Variants in LHFPL6 observed in about 807,000 individuals in gnomAD.
LHFPL6 encodes LHFPL tetraspan subfamily member 6 protein.
LHFPL6 carries 9 observed loss-of-function variants against 20.6 expected under a neutral mutation model. The observed-to-expected ratio is 0.44, with a 90% CI of 0.26 to 0.76. The LOEUF is 0.76. LHFPL6 is among the 30% of genes least tolerant of loss of function. The pLI, the probability that LHFPL6 is intolerant of heterozygous loss-of-function variation, is 0.20. For missense variants in LHFPL6, 218 were observed against 253.5 expected (o/e 0.86, Z 0.95); for synonymous variants, 105 against 98.7 (o/e 1.06, Z -0.38).
chr13:39,459,687 T>A (rs1872647414), intron 2 of LHFPL6, among the ~76,000 whole-genome samples: 2 of 152,224 alleles, frequency 1.3e-5, no homozygotes, highest in African/African-American at 4.8e-5. Flanking sequence ...TAATGTCATG[T>A]CTTCGCAATT....
At chr13:39,361,366 G>A (rs1040394503) in intron 3 of LHFPL6, among the ~76,000 whole-genome samples, 4 of 150,802 alleles carry the variant, frequency 2.7e-5, no homozygotes, top group Non-Finnish European at 5.9e-5. Flanking sequence ...TCGCCAGGCT[G>A]GAGTGCAGTG....
chr13:39,562,569 C>CATAT (rs67177911), intron 2 of LHFPL6, among the ~76,000 whole-genome samples: 2 of 93,050 alleles, frequency 2.1e-5, no homozygotes, highest in Non-Finnish European at 5.0e-5. Context: ...TACATATACA[C>CATAT]ATACATATAT....
intron 2 of LHFPL6, among the ~76,000 whole-genome samples, chr13:39,482,261 T>C (rs1042952656): frequency 6.6e-6 from 1 of 152,080 alleles, no homozygotes; most frequent in African/African-American, 2.4e-5. Flanking sequence ...CTGGCCAACA[T>C]GGCAAAACCT....
chr13:39,469,677 G>A (rs1291342422), intron 2 of LHFPL6, among the ~76,000 whole-genome samples: 2 of 152,222 alleles, frequency 1.3e-5, no homozygotes, highest in African/African-American at 4.8e-5. Flanking sequence ...TAAACTTGTA[G>A]TAGATGTTTG....
At chr13:39,485,696 G>A (rs1868700346) in intron 2 of LHFPL6, among the ~76,000 whole-genome samples, 1 of 152,090 alleles carries the variant, frequency 6.6e-6, no homozygotes, top group Non-Finnish European at 1.5e-5. Context: ...ACATTTTCAG[G>A]GAACAAAAGA....
chr13:39,428,577 CT>C (rs1289899917), intron 2 of LHFPL6, among the ~76,000 whole-genome samples: 2 of 152,008 alleles, frequency 1.3e-5, no homozygotes, highest in Non-Finnish European at 1.5e-5. Context: ...TAATTTGTAT[CT>C]TTTCTACTCT....
At position 39,360,500 on chromosome 13, in the gene LHFPL6, T is replaced by A. The variant is rs971292012; in HGVS notation, c.485-16446A>T. On this transcript the variant is annotated intron_variant, in intron 3 of 3. Transcript: ENST00000379589. ...GCAGAGATTTATGCTCTAGAAAAGA[T>A]AAGATGTGTATTGGCAAAGAGCTCA... Among the ~76,000 whole-genome samples, 2 of 97,720 alleles carry A rather than the reference T, an allele frequency of 2.0e-5. 1 individual carries two copies. The highest frequency in any genetic ancestry group is 4.8e-5 in the Non-Finnish European group (2 of 41,360). The allele number at this position is 97,720 out of a possible 152,430, so 64.1% of individuals were successfully genotyped here.
intron 2 of LHFPL6, among the ~76,000 whole-genome samples, chr13:39,478,503 T>C (rs1197256875): frequency 1.3e-5 from 2 of 152,172 alleles, no homozygotes; most frequent in East Asian, 1.9e-4. Context: ...TATCCAGGTG[T>C]GATGGCTAAT....
At chr13:39,437,865 G>A (rs570812614) in intron 2 of LHFPL6, among the ~76,000 whole-genome samples, 24 of 148,964 alleles carry the variant, frequency 1.6e-4, no homozygotes, top group African/African-American at 5.9e-4. Flanking sequence ...TTGCGCCACT[G>A]CACTCCAGCC....
chr13:39,424,415 G>A (rs1215516414), intron 2 of LHFPL6, among the ~76,000 whole-genome samples: 1 of 152,158 alleles, frequency 6.6e-6, no homozygotes, highest in African/African-American at 2.4e-5. Context: ...AGGTAGGTAT[G>A]AATAGGTTAT....
At chr13:39,519,720 G>A (rs1214774014) in intron 2 of LHFPL6, among the ~76,000 whole-genome samples, 6 of 152,096 alleles carry the variant, frequency 3.9e-5, no homozygotes. Flanking sequence ...CTGACCTTTA[G>A]GTAAGCCCCA....
At chr13:39,590,747 CTT>C (rs1314869277) in intron 2 of LHFPL6, among the ~76,000 whole-genome samples, 2 of 152,116 alleles carry the variant, frequency 1.3e-5, no homozygotes, top group African/African-American at 2.4e-5. Context: ...GTAAAGATCT[CTT>C]GAGTGTGGTT....
intron 3 of LHFPL6, among the ~76,000 whole-genome samples, chr13:39,373,846 A>G (rs932619521): frequency 1.3e-5 from 2 of 152,204 alleles, no homozygotes; most frequent in Non-Finnish European, 2.9e-5. Flanking sequence ...ACCAGTCAGA[A>G]TGGCTATTAT....
At chr13:39,562,409 C>CATATACACATACAT (rs1871523045) in intron 2 of LHFPL6, among the ~76,000 whole-genome samples, 2 of 101,816 alleles carry the variant, frequency 2.0e-5, no homozygotes, top group Non-Finnish European at 4.3e-5. Context: ...CATATATACA[C>CATATACACATACAT]ATATACACAT....
intron 2 of LHFPL6, among the ~76,000 whole-genome samples, chr13:39,435,444 T>C (rs1414014265): frequency 1.3e-5 from 2 of 152,188 alleles, no homozygotes; most frequent in African/African-American, 2.4e-5. Context: ...TAAAGACCTT[T>C]AGATGAGGTC....
chr13:39,453,256 T>C (rs1379987888), intron 2 of LHFPL6, among the ~76,000 whole-genome samples: 2 of 152,180 alleles, frequency 1.3e-5, no homozygotes, highest in Non-Finnish European at 2.9e-5. Context: ...GCCTAGTTTA[T>C]TCAAATAAAA....
chr13:39,572,121 T>C (rs1871937482), intron 2 of LHFPL6, among the ~76,000 whole-genome samples: 1 of 152,240 alleles, frequency 6.6e-6, no homozygotes, highest in South Asian at 2.1e-4. Flanking sequence ...AGAATTGTAC[T>C]TGTGTCCTAC....
chr13:39,575,200 T>C (rs945408693), intron 2 of LHFPL6, among the ~76,000 whole-genome samples: 1 of 152,168 alleles, frequency 6.6e-6, no homozygotes, highest in African/African-American at 2.4e-5. Flanking sequence ...TAACCAGAGC[T>C]ATACTACCTT....
chr13:39,477,393 T>C (rs1873110069), intron 2 of LHFPL6, among the ~76,000 whole-genome samples: 1 of 152,234 alleles, frequency 6.6e-6, no homozygotes, highest in Non-Finnish European at 1.5e-5. Flanking sequence ...TTTAGAATTC[T>C]ATTTGCATCT....
Sources: allele counts gnomAD v4.1 joint callset (sites outside exome capture counted in the v4.1 genomes callset), GRCh38; gene constraint gnomAD v4.1.1; transcripts MANE v1.5; gene names NCBI Gene and HGNC (gene_info 2026-07-23, HGNC 2026-07-21).